EPHA10: variants seen among roughly 807,000 people sequenced by gnomAD.
The protein encoded by EPHA10 is ephrin type-A receptor 10.
In EPHA10, 120 loss-of-function variants were observed where a neutral mutation model predicts 109.7. The observed-to-expected ratio is 1.09, with a 90% confidence interval of 0.94 to 1.27. The LOEUF (loss-of-function observed/expected upper bound fraction) is 1.27. EPHA10 is among the 50% of genes most tolerant of loss of function. The probability of loss-of-function intolerance (pLI) is 0.00; values close to 1 mark genes in which losing one functional copy is unlikely to be tolerated. For missense variants in EPHA10, 1,396 were observed against 1,411.1 expected (o/e 0.99, Z 0.17); for synonymous variants, 640 against 618.9 (o/e 1.03, Z -0.51).
chr1:37,761,946 C>T lies in EPHA10; in HGVS notation c.309G>A (p.Val103=), dbSNP rs776236947. The change falls in exon 3 of 17, where the codon GTG becomes GTA. Residue 103 remains valine (V), a synonymous_variant. Transcript: ENST00000373048. The part of the protein sequence containing the change: ...ISRGRGQRIF[V]ELQFTLRDCS... ...AGTCACGGAGTGTGAACTGCAGTTCCACGAAGATGCGCTGCCCGCGGCCAC... is the reference window on the plus strand; with the variant it reads ...AGTCACGGAGTGTGAACTGCAGTTCTACGAAGATGCGCTGCCCGCGGCCAC... 9.3e-6 allele frequency: 15 copies of T among 1,614,014 alleles called. No individual in the cohort carries two copies. The East Asian group carries it at 2.9e-4, about 31-fold the overall frequency.
chr1:37,724,336 A>G (rs1454831725), intron 8 of EPHA10, among the ~76,000 whole-genome samples: 2 of 152,190 alleles, frequency 1.3e-5, no homozygotes, highest in Non-Finnish European at 2.9e-5. Flanking sequence ...CTGGGGGATA[A>G]GCAGGGAAGA....
Position 37,728,213 on chromosome 1 carries a change from G to A in EPHA10, c.1664-1003C>T, listed in dbSNP as rs556654216. On this transcript the variant is annotated intron_variant, in intron 7 of 16. Transcript: ENST00000373048. ...TCTGGGAAACAGACTGCATGAAGGC[G>A]GAGAGTGGCAAATAGGAAGCTGGAG... is the stretch of plus-strand genomic sequence containing the variant. 7.9e-5 allele frequency among the ~76,000 whole-genome samples: 12 copies of A among 152,280 alleles called. No individual in the cohort carries two copies. In the South Asian group the frequency reaches 1.4e-3, roughly 18 times the overall value.
intron 6 of EPHA10, chr1:37,734,707 A>G (rs747237114): frequency 2.2e-6 from 1 of 445,900 alleles, no homozygotes; most frequent in Non-Finnish European, 4.5e-6. Context: ...TCAATTGGCC[A>G]TATGGAGTTC....
At chr1:37,753,768 C>T (rs1173349294) in intron 4 of EPHA10, among the ~76,000 whole-genome samples, 1 of 150,282 alleles carries the variant, frequency 6.7e-6, no homozygotes, top group East Asian at 2.0e-4. Flanking sequence ...GAGACGGGGG[C>T]GTGGGGGCCC....
At chr1:37,737,372 T>A (rs946989663) in intron 5 of EPHA10, among the ~76,000 whole-genome samples, 1 of 152,124 alleles carries the variant, frequency 6.6e-6, no homozygotes, top group African/African-American at 2.4e-5. Flanking sequence ...TCAAAACATA[T>A]TTCAAAGCTA....
intron 10 of EPHA10, chr1:37,722,747 C>T (rs930770379): frequency 2.1e-5 from 11 of 525,062 alleles, no homozygotes; most frequent in Non-Finnish European, 3.6e-5. Flanking sequence ...AGGCCCCTCC[C>T]CACTGCCCCA....
rs772462490 is a variant in EPHA10 at position 37,719,971 on chromosome 1, T to G, written c.2500A>C (p.Ile834Leu). The change falls in exon 14 of 17, where the codon ATC becomes CTC. Residue 834 changes from isoleucine to leucine, a missense_variant. By Grantham distance (5) the Ile-to-Leu change is conservative. Coordinates refer to ENST00000373048, the MANE Select transcript of EPHA10 (RefSeq NM_001099439.2). ...AAGGCCATCACCTCCCACATGATGATGCCGAAGCTCCACACGTCACTGGCA... is the reference window on the plus strand; with the variant it reads ...AAGGCCATCACCTCCCACATGATGAGGCCGAAGCTCCACACGTCACTGGCA... ...SSASDVWSFG[I>L]IMWEVMAFGE... 2 of 1,614,092 alleles carry G rather than the reference T, an allele frequency of 1.2e-6. No homozygotes were observed. Among genetic ancestry groups the G allele is most frequent in the Non-Finnish European group, 1.7e-6 (2 of 1,180,036 alleles).
chr1:37,730,508 G>A (rs563687549), intron 7 of EPHA10, among the ~76,000 whole-genome samples: 1 of 152,348 alleles, frequency 6.6e-6, no homozygotes, highest in South Asian at 2.1e-4. Context: ...GAATTGGGCA[G>A]TGGGTGGGGA....
intron 3 of EPHA10, among the ~76,000 whole-genome samples, chr1:37,758,060 C>A (rs1032563836): frequency 3.3e-5 from 5 of 152,190 alleles, no homozygotes; most frequent in Admixed American, 2.0e-4. Flanking sequence ...AGTCATCTCC[C>A]TTCTTGGTAG....
Position 37,735,393 on chromosome 1 carries a change from G to A in EPHA10, c.1358-3C>T, listed in dbSNP as rs552926667. On this transcript the variant is annotated splice_region_variant and splice_polypyrimidine_tract_variant and intron_variant, in intron 5 of 16. Coordinates refer to ENST00000373048, the MANE Select transcript of EPHA10 (RefSeq NM_001099439.2). ...GATCTCATCCTCCTCCCAGGGCGCT[G>A]AAAGTAAGTTACGTGGGATTCTCCA... The A allele has an allele frequency of 1.1e-4, 172 of 1,580,712 alleles. 3 individuals carry two copies. In the South Asian group the frequency reaches 1.9e-3, roughly 18 times the overall value.
intron 5 of EPHA10, among the ~76,000 whole-genome samples, chr1:37,747,695 G>C (rs1171425562): frequency 1.3e-5 from 2 of 152,102 alleles, no homozygotes; most frequent in Non-Finnish European, 2.9e-5. Context: ...TGGAACCTGG[G>C]AGCCAGAGGT....
chr1:37,718,831 A>T lies in EPHA10; in HGVS notation c.2757-15T>A. The T allele has an allele frequency of 1.3e-6, 2 of 1,599,716 alleles. No individual in the cohort carries two copies. Among genetic ancestry groups the T allele is most frequent in the East Asian group, 4.5e-5 (2 of 44,676 alleles). ...GGGTGGGAGGCCTGCGGGTCAGAGG[A>T]GCTGTGCTCAACCGACAGCTGGGAT... On this transcript the variant is annotated splice_polypyrimidine_tract_variant and intron_variant, in intron 15 of 16. Coordinates refer to ENST00000373048, the MANE Select transcript of EPHA10 (RefSeq NM_001099439.2).
intron 11 of EPHA10, among the ~76,000 whole-genome samples, 160 bp downstream of exon 11, chr1:37,721,500 G>A (rs1645796020): frequency 6.6e-6 from 1 of 152,062 alleles, no homozygotes; most frequent in Non-Finnish European, 1.5e-5. Flanking sequence ...CCAGGAGAAG[G>A]GCCGCCTTGA....
At chr1:37,747,325 T>C (rs192655891) in intron 5 of EPHA10, among the ~76,000 whole-genome samples, 1 of 152,120 alleles carries the variant, frequency 6.6e-6, no homozygotes, top group Non-Finnish European at 1.5e-5. Flanking sequence ...CCAAGGCAGG[T>C]AGATTGCTTG....
chr1:37,731,706 A>G (rs979488570), intron 6 of EPHA10, 124 bp from the exon 7 acceptor site: 3 of 1,028,130 alleles, frequency 2.9e-6, no homozygotes, highest in African/African-American at 3.3e-5. Context: ...GAGTGCGAAA[A>G]CCCAACCTCA....
intron 2 of EPHA10, 130 bp from the exon 3 acceptor site, chr1:37,762,213 G>A (rs899831686): frequency 3.5e-6 from 3 of 865,730 alleles, no homozygotes; most frequent in Non-Finnish European, 5.2e-6. Flanking sequence ...TGCAGCGCTG[G>A]GAGAAACTTT....
At chr1:37,719,746 A>C (rs971476167) in intron 14 of EPHA10, 139 bp from the exon 15 acceptor site, 47 of 1,399,560 alleles carry the variant, frequency 3.4e-5, no homozygotes, top group Middle Eastern at 4.6e-4. Flanking sequence ...ACACACACAC[A>C]CCCAAGGAAG....
chr1:37,723,271 G>A (rs752473369), intron 9 of EPHA10, 40 bp downstream of exon 9: 2 of 1,610,600 alleles, frequency 1.2e-6, no homozygotes, highest in African/African-American at 2.7e-5. Flanking sequence ...GTGAGGCAGG[G>A]TGGAGCCCGC....
Position 37,721,700 on chromosome 1 carries a change from G to A in EPHA10, c.2106C>T (p.Asp702=). 1.2e-6 allele frequency: 2 copies of A among 1,612,124 alleles called. No individual in the cohort carries two copies. Among genetic ancestry groups the A allele is most frequent in the Non-Finnish European group, 1.7e-6 (2 of 1,179,796 alleles). ...CCTCCAGCCGCACGATGTGGCTATG[G>A]TCAAACTGGCCCAGCGTGAGGGCCT... ...LAEALTLGQF[D]HSHIVRLEGV... Residue 702 remains aspartate, a synonymous_variant, in exon 11 of 17, where the codon GAC becomes GAT. Coordinates refer to ENST00000373048, the MANE Select transcript of EPHA10 (RefSeq NM_001099439.2).
Sources: allele counts gnomAD v4.1 joint callset (sites outside exome capture counted in the v4.1 genomes callset), GRCh38; gene constraint gnomAD v4.1.1; transcripts MANE v1.5; gene names NCBI Gene and HGNC (gene_info 2026-07-23, HGNC 2026-07-21).